FRY: variants seen among roughly 807,000 people sequenced by gnomAD.
FRY encodes the protein FRY microtubule binding protein.
FRY carries 128 observed loss-of-function variants against 348.4 expected under a neutral mutation model. That is an observed-to-expected ratio of 0.37 (90% confidence interval 0.32 to 0.43). The LOEUF (loss-of-function observed/expected upper bound fraction) is 0.43. Among genes scored for constraint, FRY ranks in the 20% least tolerant of loss-of-function variants. The pLI is 1.00. For synonymous variants in FRY, 1,370 were observed against 1,374.7 expected (o/e 1.00, Z 0.08); for missense variants, 2,736 against 3,695.2 (o/e 0.74, Z 6.73).
At chr13:32,111,079 C>T (rs1877924631) in intron 3 of FRY, among the ~76,000 whole-genome samples, 1 of 152,168 alleles carries the variant, frequency 6.6e-6, no homozygotes, top group South Asian at 2.1e-4. Flanking sequence ...CAGGAGACTT[C>T]AAGGGAAATT....
chr13:32,223,087 G>T (rs1417550559), intron 36 of FRY, among the ~76,000 whole-genome samples: 1 of 152,062 alleles, frequency 6.6e-6, no homozygotes, highest in African/African-American at 2.4e-5. Context: ...CTGTGTAGCT[G>T]GGATTATTAC....
intron 23 of FRY, 81 bp downstream of exon 23, chr13:32,179,880 T>G: frequency 7.1e-7 from 1 of 1,400,710 alleles, no homozygotes; most frequent in African/African-American, 1.4e-5. Flanking sequence ...GATTTGAGTC[T>G]GTGTGTTGGC....
At chr13:32,260,664 C>T (rs1025648354) in intron 51 of FRY, among the ~76,000 whole-genome samples, 1 of 141,934 alleles carries the variant, frequency 7.0e-6, no homozygotes. Flanking sequence ...CACTTGAGGT[C>T]AAGAGTTCAA....
At chr13:32,265,895 G>T (rs1181185812) in intron 54 of FRY, among the ~76,000 whole-genome samples, 1 of 152,192 alleles carries the variant, frequency 6.6e-6, no homozygotes, top group Non-Finnish European at 1.5e-5. Flanking sequence ...TCCAGACCTT[G>T]TAAGCTTTGA....
At chr13:32,205,202 CAAA>C (rs35930899) in intron 31 of FRY, among the ~76,000 whole-genome samples, 5 of 77,858 alleles carry the variant, frequency 6.4e-5, no homozygotes, top group African/African-American at 2.0e-4. Context: ...GACTCTGTCT[CAAA>C]AAAAAAAAAA....
intron 36 of FRY, among the ~76,000 whole-genome samples, chr13:32,224,013 A>G (rs1040647830): frequency 2.6e-5 from 4 of 152,114 alleles, no homozygotes; most frequent in African/African-American, 9.7e-5. Flanking sequence ...CTGGGATTAC[A>G]GGCATGAGCC....
Position 32,117,398 on chromosome 13 carries a change from A to G in FRY, c.389A>G (p.Asp130Gly), listed in dbSNP as rs769388366. The G allele has an allele frequency of 6.2e-7, 1 of 1,613,526 alleles. No homozygotes were observed. The highest frequency in any genetic ancestry group is 8.5e-7 in the Non-Finnish European group (1 of 1,179,484). ...CLPSILRTLF[D>G]WYKRQNGIED... ...CCTTCCATTCTACGTACATTATTTG[A>G]CTGGTATAAAAGGCAAAATGGCATT... Residue 130 changes from aspartate (D) to glycine (G), a missense_variant, in exon 4 of 61, where the codon GAC becomes GGC. Asp to Gly is a moderately conservative substitution (Grantham distance 94). Around this residue, in one of 9 missense-constraint regions of FRY, gnomAD observed 309 missense variants for 418.1 expected, o/e 0.74. Transcript: ENST00000542859.
Position 32,276,636 on chromosome 13 carries a change from G to A in FRY, c.8385+74G>A, listed in dbSNP as rs780569153. Reference sequence around the variant, plus strand: ...ACCCAACCACTCTGAGTTCTTGGGCGGGGTTGTGATTAACTTAAGACTTTC... The same window carrying A: ...ACCCAACCACTCTGAGTTCTTGGGCAGGGTTGTGATTAACTTAAGACTTTC... On this transcript the variant is annotated intron_variant, in intron 57 of 60. Transcript: ENST00000542859. 67 of 818,026 alleles carry A rather than the reference G, an allele frequency of 8.2e-5. 1 individual carries two copies. The highest frequency in any genetic ancestry group is 7.8e-4 in the South Asian group (58 of 74,786). 50.7% of individuals were successfully genotyped at this position (818,026 alleles called of 1,614,324 possible).
At chr13:32,141,597 AAGGTGCAACCC>A (rs1335594407) in intron 11 of FRY, among the ~76,000 whole-genome samples, 1 of 152,214 alleles carries the variant, frequency 6.6e-6, no homozygotes, top group Non-Finnish European at 1.5e-5. Context: ...CAGAATATCT[AAGGTGCAACCC>A]AGGAATCTGC....
intron 51 of FRY, among the ~76,000 whole-genome samples, chr13:32,256,058 T>C (rs1887318535): frequency 1.3e-5 from 2 of 152,176 alleles, no homozygotes; most frequent in South Asian, 4.1e-4. Flanking sequence ...ATTTAGTTTC[T>C]ATCAAAATAA....
chr13:32,281,589 C>G (rs531546326), intron 58 of FRY, among the ~76,000 whole-genome samples: 2 of 152,236 alleles, frequency 1.3e-5, no homozygotes, highest in Non-Finnish European at 2.9e-5. Flanking sequence ...AAGCTTTGGC[C>G]CCATTGTCAG....
intron 28 of FRY, among the ~76,000 whole-genome samples, chr13:32,187,909 T>G (rs1197250606): frequency 6.6e-6 from 1 of 152,164 alleles, no homozygotes; most frequent in Non-Finnish European, 1.5e-5. Flanking sequence ...ATAGAGACTA[T>G]GTTCTCTAAT....
chr13:32,140,902 A>G (rs1453965741), intron 11 of FRY, among the ~76,000 whole-genome samples: 1 of 152,186 alleles, frequency 6.6e-6, no homozygotes, highest in African/African-American at 2.4e-5. Flanking sequence ...TAAGGATTCC[A>G]CAATCATTGC....
intron 23 of FRY, among the ~76,000 whole-genome samples, chr13:32,181,788 T>C (rs1435784448): frequency 6.6e-6 from 1 of 152,024 alleles, no homozygotes; most frequent in Non-Finnish European, 1.5e-5. Flanking sequence ...AACTGTAAAA[T>C]TGGCATAATA....
intron 40 of FRY, among the ~76,000 whole-genome samples, chr13:32,230,427 C>G (rs1885843902): frequency 6.6e-6 from 1 of 152,140 alleles, no homozygotes; most frequent in Non-Finnish European, 1.5e-5. Context: ...GCACACTATT[C>G]CATGGTGTAT....
intron 29 of FRY, among the ~76,000 whole-genome samples, chr13:32,196,722 A>G (rs1883698686): frequency 6.6e-6 from 1 of 152,184 alleles, no homozygotes; most frequent in African/African-American, 2.4e-5. Context: ...ATGAGGATAA[A>G]GATAGAAAGT....
At chr13:32,098,357 A>T (rs1052041471) in intron 2 of FRY, among the ~76,000 whole-genome samples, 1 of 152,092 alleles carries the variant, frequency 6.6e-6, no homozygotes, top group Admixed American at 6.5e-5. Context: ...CAGGCGAGCC[A>T]TGCTCTGTCC....
chr13:32,079,422 A>T (rs551386459), intron 2 of FRY, among the ~76,000 whole-genome samples: 19 of 152,328 alleles, frequency 1.2e-4, no homozygotes, highest in African/African-American at 4.1e-4. Context: ...AGTAGATGAC[A>T]AGAAAAATCA....
At chr13:32,228,903 T>G (rs1885759331) in intron 40 of FRY, among the ~76,000 whole-genome samples, 1 of 152,146 alleles carries the variant, frequency 6.6e-6, no homozygotes, top group African/African-American at 2.4e-5. Context: ...CAAGGGGATT[T>G]TGTGGATAAT....
Sources: allele counts gnomAD v4.1 joint callset (sites outside exome capture counted in the v4.1 genomes callset), GRCh38; gene constraint gnomAD v4.1.1; regional missense constraint gnomAD v4.1.1; transcripts MANE v1.5; gene names NCBI Gene and HGNC (gene_info 2026-07-23, HGNC 2026-07-21).